The following HAPLN2 variants were observed in gnomAD, a reference collection of about 807,000 sequenced individuals.
HAPLN2 encodes brain link protein-1.
Under a neutral mutation model 29.3 loss-of-function variants are expected in HAPLN2, and 27 were observed. That is an observed-to-expected ratio of 0.92 (90% CI 0.68 to 1.27). The LOEUF (loss-of-function observed/expected upper bound fraction) is 1.27. Ranked by LOEUF, HAPLN2 falls within the 50% of genes most tolerant of loss-of-function variation. The probability of loss-of-function intolerance (pLI) is 0.00; values close to 1 mark genes in which losing one functional copy is unlikely to be tolerated. For synonymous variants in HAPLN2, 208 were observed against 211.7 expected, an observed-to-expected ratio of 0.98 and a Z score of 0.15; for missense variants, 454 against 484.3, an observed-to-expected ratio of 0.94 and a Z score of 0.59.
rs1678342633 is a variant in HAPLN2, at chr1:156,623,901, C to T, written c.180C>T (p.Gly60=). The T allele has an allele frequency of 1.3e-6, 2 of 1,598,188 alleles. No homozygotes were observed. Residue 60 remains glycine (G), a synonymous_variant, in exon 4 of 7, where the codon GGC becomes GGT. Transcript: ENST00000255039. ...CGGCCACGCTGCCCTGCGTCCTGGG[C>T]ACCACGCCTCCCAGCTACAAGGTGC... ...GATATLPCVL[G]TTPPSYKVRW... is the part of the protein sequence containing the mutation.
At chr1:156,610,858 T>G in the HAPLN2 span, among the ~76,000 whole-genome samples, 1 of 152,226 alleles carries the variant, frequency 6.6e-6, no homozygotes, top group South Asian at 2.1e-4. Flanking sequence ...AAATTTTACT[T>G]TTCATTTTAT....
the HAPLN2 span, among the ~76,000 whole-genome samples, chr1:156,604,582 C>T: frequency 2.5e-3 from 387 of 152,204 alleles, 6 homozygotes; most frequent in Non-Finnish European, 4.9e-4. Context: ...CCACCGTGCC[C>T]GGCCAAAGAA....
the HAPLN2 span, among the ~76,000 whole-genome samples, chr1:156,613,418 C>T: frequency 3.9e-5 from 6 of 152,154 alleles, no homozygotes; most frequent in Admixed American, 3.3e-4. Flanking sequence ...CTTTCTAGCA[C>T]AGTAAAACCA....
chr1:156,612,044 G>A, the HAPLN2 span, among the ~76,000 whole-genome samples: 1 of 152,154 alleles, frequency 6.6e-6, no homozygotes, highest in Non-Finnish European at 1.5e-5. Flanking sequence ...TTGAGACGGA[G>A]TTTTGTTCTG....
At chr1:156,616,036 G>T (rs1232582784), upstream of HAPLN2, among the ~76,000 whole-genome samples, 1 of 152,206 alleles carries the variant, frequency 6.6e-6, no homozygotes, top group Non-Finnish European at 1.5e-5. Context: ...AGCCCTTCCA[G>T]TCATTCACAC....
chr1:156,606,540 T>G, the HAPLN2 span, among the ~76,000 whole-genome samples: 7 of 148,944 alleles, frequency 4.7e-5, no homozygotes, highest in South Asian at 1.6e-3. Context: ...TGGAGTGCAG[T>G]GGCGTGATCA....
At chr1:156,622,453 C>CA (rs532888019) in intron 2 of HAPLN2, among the ~76,000 whole-genome samples, 2,648 of 139,752 alleles carry the variant, frequency 0.019, 31 homozygotes, top group Non-Finnish European at 0.029. Flanking sequence ...AACCCTGTCT[C>CA]AAAAAAAAAA....
At chr1:156,624,869 C>A in intron 6 of HAPLN2, 86 bp downstream of exon 6, 1 of 1,390,568 alleles carries the variant, frequency 7.2e-7, no homozygotes, top group Non-Finnish European at 9.5e-7. Flanking sequence ...GAGATCAGGG[C>A]AGGGTCTCCG....
the HAPLN2 span, among the ~76,000 whole-genome samples, chr1:156,611,955 T>C: frequency 6.6e-6 from 1 of 152,212 alleles, no homozygotes; most frequent in Non-Finnish European, 1.5e-5. Context: ...TTGTTAAACT[T>C]GCAGAAATTG....
At chr1:156,617,226 GA>G (rs1292906695), upstream of HAPLN2, among the ~76,000 whole-genome samples, 1 of 152,042 alleles carries the variant, frequency 6.6e-6, no homozygotes, top group Non-Finnish European at 1.5e-5. Context: ...GGAAAAAGCA[GA>G]AACTTCTAGG....
At chr1:156,611,702 G>A in the HAPLN2 span, among the ~76,000 whole-genome samples, 1 of 152,182 alleles carries the variant, frequency 6.6e-6, no homozygotes, top group Non-Finnish European at 1.5e-5. Flanking sequence ...TGTTCCCTTT[G>A]AAACTTCTTC....
chr1:156,623,065 T>TAAATA (rs1678300925), intron 2 of HAPLN2, among the ~76,000 whole-genome samples: 5 of 128,572 alleles, frequency 3.9e-5, no homozygotes, highest in Non-Finnish European at 8.5e-5. Flanking sequence ...AATAAATAAA[T>TAAATA]AAATAAATAA....
chr1:156,612,884 T>G, the HAPLN2 span, among the ~76,000 whole-genome samples: 1 of 152,242 alleles, frequency 6.6e-6, no homozygotes, highest in African/African-American at 2.4e-5. Context: ...GCTAGTGTGT[T>G]GCCCTCAATA....
upstream of HAPLN2, among the ~76,000 whole-genome samples, chr1:156,615,876 C>A (rs993490088): frequency 6.7e-6 from 1 of 149,994 alleles, no homozygotes; most frequent in African/African-American, 2.5e-5. Context: ...AGCCAAATCC[C>A]ATCCCTTAAA....
chr1:156,624,346 C>T lies in HAPLN2; in HGVS notation c.440-5C>T, dbSNP rs776749289. 71 of 1,598,202 alleles carry T rather than the reference C, an allele frequency of 4.4e-5. 1 individual carries two copies. Among genetic ancestry groups the T allele is most frequent in the South Asian group, 1.0e-4 (9 of 88,566 alleles). ...GCCCTCCCCAGGATCCCCGCCACCC[C>T]CTAGGTGTGGTGTTTCCGTACCAAC... On this transcript the variant is annotated splice_polypyrimidine_tract_variant and splice_region_variant and intron_variant, in intron 4 of 6. Coordinates refer to ENST00000255039, the MANE Select transcript of HAPLN2 (RefSeq NM_021817.3).
chr1:156,625,422 T>A lies in HAPLN2; in HGVS notation c.*38T>A. The A allele has an allele frequency of 6.5e-7, 1 of 1,532,030 alleles. No individual in the cohort carries two copies. Among genetic ancestry groups the A allele is most frequent in the Non-Finnish European group, 8.8e-7 (1 of 1,138,736 alleles). The allele number at this position is 1,532,030 out of a possible 1,614,324, so 94.9% of individuals were successfully genotyped here. Reference sequence around the variant, plus strand: ...TCCCCTCCAGCGCGCGCGAAGAAGCTTGGGAGTCGTGGCGGGGGTCTCTCG... The same window carrying A: ...TCCCCTCCAGCGCGCGCGAAGAAGCATGGGAGTCGTGGCGGGGGTCTCTCG... On this transcript the variant is annotated 3_prime_UTR_variant, in exon 7 of 7. Transcript: ENST00000255039. This position sits in a 1 kb window ranked among gnomAD's most constrained non-coding sequence, Gnocchi z 5.7.
chr1:156,625,231 C>T lies in HAPLN2; in HGVS notation c.870C>T (p.Cys290=). The T allele has an allele frequency of 1.3e-6, 2 of 1,571,074 alleles. No homozygotes were observed. The highest frequency in any genetic ancestry group is 1.8e-5 in the Admixed American group (1 of 54,212). ...AAWKFSGLDQ[C]DGGWLADGSV... Reference sequence around the variant, plus strand: ...GGAAGTTTTCGGGGCTAGACCAGTGCGACGGCGGCTGGCTGGCTGACGGCA... The same window carrying T: ...GGAAGTTTTCGGGGCTAGACCAGTGTGACGGCGGCTGGCTGGCTGACGGCA... The change falls in exon 7 of 7, where the codon TGC becomes TGT. Residue 290 remains cysteine, a synonymous_variant. Coordinates refer to ENST00000255039, the MANE Select transcript of HAPLN2 (RefSeq NM_021817.3). This position sits in a 1 kb window ranked among gnomAD's most constrained non-coding sequence, Gnocchi z 5.7.
the HAPLN2 span, among the ~76,000 whole-genome samples, chr1:156,604,635 A>G: frequency 2.0e-5 from 3 of 152,234 alleles, no homozygotes; most frequent in African/African-American, 7.2e-5. Context: ...AATTGAAATG[A>G]AAAAAGAAGA....
chr1:156,624,720 T>C lies in HAPLN2; in HGVS notation c.676T>C (p.Tyr226His). 6.3e-7 allele frequency: 1 copy of C among 1,579,830 alleles called. No individual in the cohort carries two copies. The highest frequency in any genetic ancestry group is 8.6e-7 in the Non-Finnish European group (1 of 1,168,396). Reference sequence around the variant, plus strand: ...CCGAGGCCGGCCCGGGATCCGCAGCTACGGACCCCGCGACCGGATGCGCGA... The same window carrying C: ...CCGAGGCCGGCCCGGGATCCGCAGCCACGGACCCCGCGACCGGATGCGCGA... ...GGRGRPGIRS[Y>H]GPRDRMRDRY... Residue 226 changes from tyrosine (Y) to histidine (H), a missense_variant, in exon 6 of 7, where the codon TAC (tyrosine) becomes CAC (histidine). By Grantham distance (83) the Tyr-to-His change is moderately conservative. This residue lies in a region of HAPLN2 where 235 missense variants were observed against 236.9 expected (regional missense o/e 0.99). Transcript: ENST00000255039.
Sources: gnomAD v4.1 joint callset for allele counts (sites outside exome capture counted in the v4.1 genomes callset) on GRCh38, gnomAD v4.1.1 for gene constraint, gnomAD v4.1.1 regional missense constraint, Gnocchi (gnomAD v3.1) non-coding constraint, MANE v1.5 for transcripts, NCBI Gene and HGNC (gene_info 2026-07-23, HGNC 2026-07-21) for gene names.